Variants in SGIP1 observed in about 807,000 individuals in gnomAD.
SGIP1 encodes the protein SH3-containing GRB2-like protein 3-interacting protein 1.
A neutral mutation model predicts 107.5 loss-of-function variants in SGIP1; 38 were observed. The ratio of observed to expected loss-of-function variants is 0.35; its 90% confidence interval spans 0.27 to 0.46. The LOEUF (loss-of-function observed/expected upper bound fraction) is 0.46, where lower values mean the gene tolerates loss of function less well. Ranked by LOEUF, SGIP1 falls within the 20% of genes least tolerant of loss-of-function variation. The probability of loss-of-function intolerance (pLI) is 1.00; values close to 1 mark genes in which losing one functional copy is unlikely to be tolerated. For missense variants in SGIP1, 929 were observed against 1,019.5 expected, an observed-to-expected ratio of 0.91 and a Z score of 1.21; for synonymous variants, 365 against 366.1, an observed-to-expected ratio of 1.00 and a Z score of 0.03.
intron 1 of SGIP1, among the ~76,000 whole-genome samples, chr1:66,615,169 TTG>T (rs2068955507): frequency 6.6e-6 from 1 of 152,032 alleles, no homozygotes; most frequent in Admixed American, 6.6e-5. Flanking sequence ...AATTTTGCTC[TTG>T]TTGCCCAGGC....
At chr1:66,708,868 C>T (rs2092709653) in intron 18 of SGIP1, among the ~76,000 whole-genome samples, 2 of 152,076 alleles carry the variant, frequency 1.3e-5, no homozygotes, top group Admixed American at 1.3e-4. Context: ...TAACTCTAAT[C>T]CTATTTACAT....
intron 7 of SGIP1, among the ~76,000 whole-genome samples, chr1:66,649,405 C>T (rs2078280991): frequency 6.6e-6 from 1 of 152,152 alleles, no homozygotes; most frequent in Non-Finnish European, 1.5e-5. Context: ...GTACTTAAAC[C>T]TCAGTGAGAG....
In SGIP1 at chr1:66,589,204, A is replaced by ATGTGTGTGTG. The variant is rs1207408964; in HGVS notation, c.11-36642_11-36641insGTGTGTGTGT. ...TATATATATATATATATATATATATATATATATATATATGTAAGGCTTGGG... is the reference window on the plus strand; with the variant it reads ...TATATATATATATATATATATATATATGTGTGTGTGTATATATATATATGTAAGGCTTGGG... On this transcript the variant is annotated intron_variant, in intron 1 of 24. Coordinates refer to ENST00000371037, the MANE Select transcript of SGIP1 (RefSeq NM_032291.4). 1.1e-3 allele frequency among the ~76,000 whole-genome samples: 62 copies of ATGTGTGTGTG among 57,498 alleles called. 3 individuals are homozygous for ATGTGTGTGTG. The East Asian group carries it at 0.026, about 24-fold the overall frequency. 37.7% of individuals were successfully genotyped at this position (57,498 alleles called of 152,430 possible). A position where few individuals can be genotyped will look rare whatever the true frequency, so the allele number is the denominator to read the frequency against.
chr1:66,618,765 A>G (rs1188979596), intron 1 of SGIP1, among the ~76,000 whole-genome samples: 1 of 152,230 alleles, frequency 6.6e-6, no homozygotes. Context: ...CCTAGTGATT[A>G]CAGAGAGAGA....
intron 1 of SGIP1, among the ~76,000 whole-genome samples, chr1:66,556,570 C>T (rs1162900091): frequency 1.3e-5 from 2 of 152,038 alleles, no homozygotes; most frequent in Admixed American, 6.6e-5. Context: ...GCTGTGTGCC[C>T]GGCTTTCTTG....
intron 1 of SGIP1, among the ~76,000 whole-genome samples, chr1:66,624,968 G>GGT (rs2072255130): frequency 6.6e-6 from 1 of 152,116 alleles, no homozygotes; most frequent in Non-Finnish European, 1.5e-5. Context: ...CTGCTTGAAT[G>GGT]GTGCTTCCTG....
At chr1:66,697,483 G>A (rs2091148064) in intron 18 of SGIP1, among the ~76,000 whole-genome samples, 1 of 152,124 alleles carries the variant, frequency 6.6e-6, no homozygotes, top group South Asian at 2.1e-4. Flanking sequence ...TCAAGTTTAA[G>A]TATAAAGAAG....
chr1:66,599,050 C>T (rs1359889007), intron 1 of SGIP1, among the ~76,000 whole-genome samples: 1 of 152,144 alleles, frequency 6.6e-6, no homozygotes, highest in African/African-American at 2.4e-5. Context: ...ACATACCCCT[C>T]ATTAGTAAAT....
chr1:66,643,007 T>A lies in SGIP1; in HGVS notation c.283+143T>A, dbSNP rs2077050324. On this transcript the variant is annotated intron_variant, in intron 6 of 24. Transcript: ENST00000371037. ...AATATTAGAGATGAATAAACAGCAC[T>A]GAGAACACCCTGAGCTCTAGCAAGC... 4.3e-6 allele frequency: 3 copies of A among 705,682 alleles called. No individual in the cohort carries two copies. In the East Asian group the frequency reaches 8.1e-5, roughly 19 times the overall value. The allele number at this position is 705,682 out of a possible 1,614,324, so 43.7% of individuals were successfully genotyped here. A position where few individuals can be genotyped will look rare whatever the true frequency, so the allele number is the denominator to read the frequency against.
chr1:66,603,297 A>G (rs1275891175), intron 1 of SGIP1, among the ~76,000 whole-genome samples: 1 of 152,172 alleles, frequency 6.6e-6, no homozygotes, highest in East Asian at 1.9e-4. Context: ...TTAGATGTGT[A>G]CTAGGGTTAT....
At position 66,540,590 on chromosome 1, in the gene SGIP1, T is replaced by C. The variant is rs550465693; in HGVS notation, c.10+6222T>C. 1.3e-4 allele frequency among the ~76,000 whole-genome samples: 20 copies of C among 152,334 alleles called. No homozygotes were observed. The East Asian group carries it at 3.9e-3, about 29-fold the overall frequency. Reference sequence around the variant, plus strand: ...AAGTATTTTTAAATAAATGAGTGAATGTAAACGAGTGTAATGTTGTTCGGT... The same window carrying C: ...AAGTATTTTTAAATAAATGAGTGAACGTAAACGAGTGTAATGTTGTTCGGT... On this transcript the variant is annotated intron_variant, in intron 1 of 24. Transcript: ENST00000371037.
chr1:66,709,805 A>G (rs665319), intron 18 of SGIP1, among the ~76,000 whole-genome samples: 93,765 of 151,946 alleles, frequency 0.62, 29,679 homozygotes, highest in East Asian at 1. Flanking sequence ...AAGGGAATGC[A>G]TGTGGAACAC....
At chr1:66,566,882 G>T (rs1441968006) in intron 1 of SGIP1, among the ~76,000 whole-genome samples, 1 of 151,690 alleles carries the variant, frequency 6.6e-6, no homozygotes, top group Non-Finnish European at 1.5e-5. Flanking sequence ...CCCTAACAGG[G>T]TCCGGTGTGT....
At chr1:66,717,129 A>G (rs1324616087) in intron 18 of SGIP1, among the ~76,000 whole-genome samples, 1 of 152,134 alleles carries the variant, frequency 6.6e-6, no homozygotes, top group African/African-American at 2.4e-5. Context: ...GAATTTATCA[A>G]ATCACTGTAT....
chr1:66,690,210 C>T lies in SGIP1; in HGVS notation c.1464C>T (p.Pro488=), dbSNP rs2089515223. ...VGDVSRPFSP[P]IHSSSPPPIA... ...TACAGTCCAGACCTTTTAGCCCTCC[C>T]ATTCATTCTTCCAGCCCTCCTCCAA... is the stretch of plus-strand genomic sequence containing the variant. Residue 488 remains proline (P), a synonymous_variant, in exon 17 of 25, where the codon CCC becomes CCT. Coordinates refer to ENST00000371037, the MANE Select transcript of SGIP1 (RefSeq NM_032291.4). 1 of 1,614,118 alleles carries T rather than the reference C, an allele frequency of 6.2e-7. No individual in the cohort carries two copies. Among genetic ancestry groups the T allele is most frequent in the Non-Finnish European group, 8.5e-7 (1 of 1,179,984 alleles).
At chr1:66,562,673 T>A (rs1168594606) in intron 1 of SGIP1, among the ~76,000 whole-genome samples, 1 of 152,088 alleles carries the variant, frequency 6.6e-6, no homozygotes, top group Non-Finnish European at 1.5e-5. Context: ...TTGGGCCTTC[T>A]TAGATGTGGA....
chr1:66,548,126 G>C (rs899789016), intron 1 of SGIP1, among the ~76,000 whole-genome samples: 1 of 152,120 alleles, frequency 6.6e-6, no homozygotes, highest in Admixed American at 6.6e-5. Flanking sequence ...CACCGGAGAG[G>C]GTGAAGGAGA....
rs1211608304 is a variant in SGIP1, at chr1:66,681,939, T to G, written c.885T>G (p.Phe295Leu). ...CCATCAATGACTTGGACAGCATTTT[T>G]GGGCCAGTATTGTCCCCCAAGTCTG... ...LPSINDLDSI[F>L]GPVLSPKSVA... Residue 295 changes from phenylalanine (F) to leucine (L), a missense_variant, in exon 15 of 25, where the codon TTT becomes TTG. Physicochemically the swap from Phe to Leu is conservative, Grantham distance 22 (BLOSUM62 0). Transcript: ENST00000371037. The G allele has an allele frequency of 1.9e-6, 3 of 1,614,086 alleles. No homozygotes were observed. In the South Asian group the frequency reaches 3.3e-5, roughly 18 times the overall value.
At chr1:66,573,478 A>G (rs571429156) in intron 1 of SGIP1, among the ~76,000 whole-genome samples, 32 of 152,152 alleles carry the variant, frequency 2.1e-4, no homozygotes, top group Non-Finnish European at 7.4e-5. Context: ...TTGCAGCACT[A>G]TTCACAATAG....
Sources: gnomAD v4.1 joint callset for allele counts (sites outside exome capture counted in the v4.1 genomes callset) on GRCh38, gnomAD v4.1.1 for gene constraint, MANE v1.5 for transcripts, NCBI Gene and HGNC (gene_info 2026-07-23, HGNC 2026-07-21) for gene names.